The following RNF182 variants were observed in gnomAD, a reference collection of about 807,000 sequenced individuals.
RNF182 encodes the protein ring finger protein 182.
A neutral mutation model predicts 14.4 loss-of-function variants in RNF182; 15 were observed. That is an observed-to-expected ratio of 1.04 (90% CI 0.70 to 1.60). RNF182 has a LOEUF of 1.60. Among genes scored for constraint, RNF182 ranks in the 40% most tolerant of loss-of-function variants. RNF182 has a pLI of 0.00. For synonymous variants in RNF182, 128 were observed against 122.9 expected (o/e 1.04, Z -0.27); for missense variants, 268 against 294.8 (o/e 0.91, Z 0.67).
Position 13,973,717 on chromosome 6 carries a change from G to A in RNF182, c.-366-493G>A, listed in dbSNP as rs913004245. On this transcript the variant is annotated intron_variant, in intron 1 of 2. Coordinates refer to ENST00000488300, the MANE Select transcript of RNF182 (RefSeq NM_152737.4). ...CCCAGCCATGTGGAACTATGAGTCCGTGAAACCTCTTTTTCTATATAAATT... is the reference window on the plus strand; with the variant it reads ...CCCAGCCATGTGGAACTATGAGTCCATGAAACCTCTTTTTCTATATAAATT... 5.9e-5 allele frequency among the ~76,000 whole-genome samples: 9 copies of A among 152,222 alleles called. No individual in the cohort carries two copies. In the South Asian group the frequency reaches 6.2e-4, roughly 11 times the overall value.
intron 1 of RNF182, among the ~76,000 whole-genome samples, chr6:13,971,660 TG>T (rs1318820631): frequency 6.6e-6 from 1 of 152,128 alleles, no homozygotes; most frequent in African/African-American, 2.4e-5. Flanking sequence ...CAGAAAGATG[TG>T]GGGAAGTTTG....
intron 1 of RNF182, among the ~76,000 whole-genome samples, chr6:13,967,852 G>T (rs1760074366): frequency 6.6e-6 from 1 of 152,090 alleles, no homozygotes; most frequent in Non-Finnish European, 1.5e-5. Flanking sequence ...GAGCCACCAT[G>T]CCTGGCCCTG....
At chr6:13,940,045 A>G (rs774412616) in intron 1 of RNF182, among the ~76,000 whole-genome samples, 16 of 152,148 alleles carry the variant, frequency 1.1e-4, no homozygotes, top group Non-Finnish European at 1.6e-4. Flanking sequence ...TAGGACCTCA[A>G]TTATAATTTT....
intron 1 of RNF182, 127 bp from the exon 2 acceptor site, chr6:13,974,083 A>T (rs1250233248): frequency 6.6e-6 from 1 of 152,196 alleles, no homozygotes; most frequent in African/African-American, 2.4e-5. Context: ...TTTGGTTATT[A>T]TTCAAGTTCT....
intron 1 of RNF182, among the ~76,000 whole-genome samples, chr6:13,967,581 A>G (rs1760065471): frequency 6.6e-6 from 1 of 152,206 alleles, no homozygotes; most frequent in Non-Finnish European, 1.5e-5. Flanking sequence ...ATACTTTACC[A>G]CAAAGAGCAC....
In RNF182 at chr6:13,977,523, A is replaced by G; in HGVS notation, c.404A>G (p.Glu135Gly). 6.2e-7 allele frequency: 1 copy of G among 1,614,070 alleles called. No homozygotes were observed. Among genetic ancestry groups the G allele is most frequent in the Non-Finnish European group, 8.5e-7 (1 of 1,179,986 alleles). The change falls in exon 3 of 3, where the codon GAG becomes GGG. Residue 135 changes from glutamate to glycine, a missense_variant. Coordinates refer to ENST00000488300, the MANE Select transcript of RNF182 (RefSeq NM_152737.4). ...AACTGCCTGGTCATAACCATCATGG[A>G]GGTGCAGAGAGAGAGCTCCCCGTCC... ...SSNCLVITIM[E>G]VQRESSPSLS...
chr6:13,932,747 T>C (rs561579771), intron 1 of RNF182, among the ~76,000 whole-genome samples: 1 of 152,362 alleles, frequency 6.6e-6, no homozygotes, highest in East Asian at 1.9e-4. Context: ...TGATGTCAGA[T>C]TCTTTTAAAC....
At chr6:13,928,413 G>A (rs1179035503) in intron 1 of RNF182, among the ~76,000 whole-genome samples, 1 of 152,006 alleles carries the variant, frequency 6.6e-6, no homozygotes, top group African/African-American at 2.4e-5. Context: ...CAGCTATTAG[G>A]ATTATTTATT....
Position 13,928,512 on chromosome 6 carries a change from T to A in RNF182, c.-367+3489T>A, listed in dbSNP as rs555745718. Among the ~76,000 whole-genome samples, 3 of 152,376 alleles carry A rather than the reference T, an allele frequency of 2.0e-5. No homozygotes were observed. In the South Asian group the frequency reaches 6.2e-4, roughly 32 times the overall value. ...CAAAAGTTACCAGTTAATTTTGTAA[T>A]GTTTTTTTAAAAAGTTTTATATTTC... On this transcript the variant is annotated intron_variant, in intron 1 of 2. Transcript: ENST00000488300.
chr6:13,948,428 C>T (rs1444726810), intron 1 of RNF182, among the ~76,000 whole-genome samples: 5 of 152,132 alleles, frequency 3.3e-5, no homozygotes, highest in Admixed American at 3.3e-4. Flanking sequence ...ATAACATATA[C>T]TAAGTTATAC....
chr6:13,956,731 A>G (rs1358848924), intron 1 of RNF182, among the ~76,000 whole-genome samples: 1 of 152,192 alleles, frequency 6.6e-6, no homozygotes, highest in Non-Finnish European at 1.5e-5. Context: ...GGTTTTCCAG[A>G]CTAATTATGA....
chr6:13,934,558 T>G (rs992384801), intron 1 of RNF182, among the ~76,000 whole-genome samples: 2 of 152,214 alleles, frequency 1.3e-5, no homozygotes, highest in African/African-American at 4.8e-5. Context: ...TTGTAATAGT[T>G]CCAAAGGTGG....
At chr6:13,975,341 A>G (rs1201152918) in intron 2 of RNF182, among the ~76,000 whole-genome samples, 1 of 152,218 alleles carries the variant, frequency 6.6e-6, no homozygotes, top group Non-Finnish European at 1.5e-5. Flanking sequence ...GAGGGAAATT[A>G]GGGCACATGG....
intron 1 of RNF182, among the ~76,000 whole-genome samples, chr6:13,953,389 G>A (rs1759643964): frequency 6.6e-6 from 1 of 152,182 alleles, no homozygotes; most frequent in South Asian, 2.1e-4. Context: ...TGTGTATGGT[G>A]GGGGGCAGAG....
At chr6:13,942,854 C>T (rs866565694) in intron 1 of RNF182, among the ~76,000 whole-genome samples, 1 of 152,054 alleles carries the variant, frequency 6.6e-6, no homozygotes, top group Non-Finnish European at 1.5e-5. Context: ...CACTAATGTT[C>T]TCATCTTCTG....
intron 1 of RNF182, among the ~76,000 whole-genome samples, chr6:13,966,101 T>TTC (rs1470173746): frequency 6.6e-6 from 1 of 152,206 alleles, no homozygotes; most frequent in Non-Finnish European, 1.5e-5. Flanking sequence ...GAATAGTCTA[T>TTC]AGGACTACTG....
intron 1 of RNF182, chr6:13,949,090 G>A: frequency 4.1e-6 from 3 of 729,188 alleles, no homozygotes; most frequent in African/African-American, 1.8e-5. Context: ...TTTGTTGATG[G>A]CAAGATGGCT....
chr6:13,949,607 A>G, intron 1 of RNF182: 1 of 394,716 alleles, frequency 2.5e-6, no homozygotes, highest in Non-Finnish European at 4.7e-6. Context: ...GAGGTGAAAA[A>G]CTGATATGAC....
At chr6:13,969,697 T>C (rs1362233276) in intron 1 of RNF182, among the ~76,000 whole-genome samples, 1 of 152,216 alleles carries the variant, frequency 6.6e-6, no homozygotes, top group Non-Finnish European at 1.5e-5. Context: ...TATTTAGGGC[T>C]GTGAAAACAA....
Sources: gnomAD v4.1 joint callset for allele counts (sites outside exome capture counted in the v4.1 genomes callset) on GRCh38, gnomAD v4.1.1 for gene constraint, MANE v1.5 for transcripts, NCBI Gene and HGNC (gene_info 2026-07-23, HGNC 2026-07-21) for gene names.